Variants in PTBP2 observed in about 807,000 individuals in gnomAD.
PTBP2 encodes polypyrimidine tract binding protein 2.
PTBP2 carries 13 observed loss-of-function variants against 61.4 expected under a neutral mutation model. That is an observed-to-expected ratio of 0.21 (90% CI 0.14 to 0.34). The LOEUF (loss-of-function observed/expected upper bound fraction) is 0.34. Ranked by LOEUF, PTBP2 falls within the 10% of genes least tolerant of loss-of-function variation. The pLI, the probability that PTBP2 is intolerant of heterozygous loss-of-function variation, is 1.00. For missense variants in PTBP2, 405 were observed against 642.6 expected (o/e 0.63, Z 4.00); for synonymous variants, 215 against 218.5 (o/e 0.98, Z 0.14).
At chr1:96,754,711 G>A (rs1262817162) in intron 3 of PTBP2, among the ~76,000 whole-genome samples, 1 of 152,048 alleles carries the variant, frequency 6.6e-6, no homozygotes, top group Non-Finnish European at 1.5e-5. Flanking sequence ...ACACAATTAT[G>A]GATAACTGAT....
chr1:96,784,602 A>G (rs1041206373), intron 7 of PTBP2, among the ~76,000 whole-genome samples: 25 of 152,112 alleles, frequency 1.6e-4, no homozygotes, highest in Non-Finnish European at 3.4e-4. Flanking sequence ...GTTTGAAGCA[A>G]CTTTGTACAA....
At chr1:96,797,073 G>T (rs1479940918) in intron 8 of PTBP2, among the ~76,000 whole-genome samples, 1 of 152,196 alleles carries the variant, frequency 6.6e-6, no homozygotes, top group Non-Finnish European at 1.5e-5. Flanking sequence ...AGGTGCTGAA[G>T]TCTTTATGTA....
At chr1:96,726,908 C>T (rs1650637957) in intron 2 of PTBP2, among the ~76,000 whole-genome samples, 1 of 152,108 alleles carries the variant, frequency 6.6e-6, no homozygotes. Flanking sequence ...AAAAAAATAG[C>T]TTTATTGAGA....
downstream of PTBP2, chr1:96,816,603 CATT>C (rs1662494783): frequency 6.6e-6 from 1 of 152,056 alleles, no homozygotes; most frequent in Non-Finnish European, 1.5e-5. Context: ...TGTAATGAAT[CATT>C]ATATTAGAGA....
intron 2 of PTBP2, among the ~76,000 whole-genome samples, chr1:96,742,105 A>G (rs1653113036): frequency 1.3e-5 from 2 of 152,194 alleles, no homozygotes; most frequent in Non-Finnish European, 2.9e-5. Flanking sequence ...GGTCTTATTT[A>G]TACTTGCCTT....
At chr1:96,724,935 T>G (rs1055980772) in intron 2 of PTBP2, among the ~76,000 whole-genome samples, 3 of 152,206 alleles carry the variant, frequency 2.0e-5, no homozygotes, top group Non-Finnish European at 4.4e-5. Context: ...TTTTCTTGCT[T>G]ATTTTCTGTC....
chr1:96,772,288 G>A (rs1453890691), intron 5 of PTBP2, among the ~76,000 whole-genome samples: 1 of 152,150 alleles, frequency 6.6e-6, no homozygotes, highest in Non-Finnish European at 1.5e-5. Flanking sequence ...AGGATAATAA[G>A]CCTCTAATCA....
intron 2 of PTBP2, among the ~76,000 whole-genome samples, chr1:96,724,590 C>T (rs1650115091): frequency 6.6e-6 from 1 of 151,598 alleles, no homozygotes; most frequent in African/African-American, 2.4e-5. Flanking sequence ...CATTTGCAAG[C>T]CTCTCTGTCC....
chr1:96,817,813 AT>A (rs940201616), downstream of PTBP2: 2 of 151,988 alleles, frequency 1.3e-5, no homozygotes, highest in Admixed American at 6.6e-5. Context: ...TGTAGGCTAA[AT>A]TTCTTGTTTT....
At chr1:96,780,104 TACTC>T (rs1342666305) in intron 7 of PTBP2, among the ~76,000 whole-genome samples, 6 of 152,112 alleles carry the variant, frequency 3.9e-5, no homozygotes, top group Non-Finnish European at 5.9e-5. Context: ...AATCTGCTAA[TACTC>T]ACACTTGTCT....
chr1:96,821,308 A>C (rs1662675578), exon 14 of PTBP2: 1 of 152,064 alleles, frequency 6.6e-6, no homozygotes, highest in Non-Finnish European at 1.5e-5. Context: ...TATGAGATTA[A>C]TTTATTACCT....
chr1:96,811,230 T>A (rs1464651251), intron 11 of PTBP2, among the ~76,000 whole-genome samples: 4 of 152,154 alleles, frequency 2.6e-5, no homozygotes, highest in Non-Finnish European at 5.9e-5. Flanking sequence ...CTGTTTTATA[T>A]TTAATTGGTT....
downstream of PTBP2, chr1:96,818,353 C>T (rs1462120369): frequency 6.6e-6 from 1 of 152,102 alleles, no homozygotes; most frequent in Non-Finnish European, 1.5e-5. Context: ...AGATCTTCCT[C>T]GTTTCCTCCA....
At chr1:96,785,000 C>T (rs1316131990) in intron 7 of PTBP2, 59 bp from the exon 8 acceptor site, 5 of 1,284,250 alleles carry the variant, frequency 3.9e-6, no homozygotes, top group Non-Finnish European at 5.3e-6. Context: ...TAAAATTATA[C>T]TTTCACTAAT....
chr1:96,777,519 G>A (rs917325711), intron 5 of PTBP2, 66 bp from the exon 6 acceptor site: 1 of 1,411,016 alleles, frequency 7.1e-7, no homozygotes, highest in South Asian at 1.5e-5. Context: ...AACTAGTAGT[G>A]TAACAGGTTG....
chr1:96,802,237 C>T lies in PTBP2; in HGVS notation c.905-2563C>T, dbSNP rs2391781. The stretch of plus-strand genomic sequence containing the variant: ...AAAAAAAAAAAAAAAAAAAAAAGAA[C>T]CCACATTAACAAAAACTCCTTGTGA... On this transcript the variant is annotated intron_variant, in intron 8 of 13. Coordinates refer to ENST00000674951, the MANE Select transcript of PTBP2 (RefSeq NM_021190.4). Among the ~76,000 whole-genome samples the T allele has an allele frequency of 2.3e-5, 3 of 128,146 alleles. No individual in the cohort carries two copies. In the Admixed American group the frequency reaches 2.4e-4, roughly 10 times the overall value. The allele number at this position is 128,146 out of a possible 152,430, so 84.1% of individuals were successfully genotyped here.
intron 3 of PTBP2, among the ~76,000 whole-genome samples, chr1:96,762,954 G>C (rs964931374): frequency 2.6e-5 from 4 of 151,460 alleles, no homozygotes; most frequent in Admixed American, 6.6e-5. Flanking sequence ...CGGCGGGGCA[G>C]CGGCGCTCCC....
intron 12 of PTBP2, 42 bp downstream of exon 12, chr1:96,812,970 T>C (rs1437601195): frequency 1.3e-6 from 2 of 1,593,478 alleles, no homozygotes; most frequent in Admixed American, 3.3e-5. Context: ...CATTCTATTT[T>C]GATAAAATAT....
intron 3 of PTBP2, among the ~76,000 whole-genome samples, chr1:96,762,958 C>T (rs990054358): frequency 4.0e-5 from 6 of 149,974 alleles, no homozygotes; most frequent in South Asian, 2.1e-4. Flanking sequence ...GGGGCAGCGG[C>T]GCTCCCCACA....
Sources: gnomAD v4.1 joint callset for allele counts (sites outside exome capture counted in the v4.1 genomes callset) on GRCh38, gnomAD v4.1.1 for gene constraint, MANE v1.5 for transcripts, NCBI Gene and HGNC (gene_info 2026-07-23, HGNC 2026-07-21) for gene names.